Variants in LHFPL3 observed in about 807,000 individuals in gnomAD.
The protein encoded by LHFPL3 is LHFPL tetraspan subfamily member 3 protein.
A neutral mutation model predicts 19.3 loss-of-function variants in LHFPL3; 5 were observed. The ratio of observed to expected loss-of-function variants is 0.26; its 90% CI spans 0.14 to 0.54. The LOEUF is 0.54. Among genes scored for constraint, LHFPL3 ranks in the 20% least tolerant of loss-of-function variants. The probability of loss-of-function intolerance (pLI) is 0.94; values close to 1 mark genes in which losing one functional copy is unlikely to be tolerated. For synonymous variants in LHFPL3, 133 were observed against 126.2 expected (o/e 1.05, Z -0.36); for missense variants, 249 against 307.4 (o/e 0.81, Z 1.42).
intron 1 of LHFPL3, among the ~76,000 whole-genome samples, chr7:104,472,971 C>T (rs1254018960): frequency 6.6e-6 from 1 of 152,174 alleles, no homozygotes; most frequent in East Asian, 1.9e-4. Context: ...ACTGGACCCT[C>T]TGGGAGACCA....
intron 2 of LHFPL3, among the ~76,000 whole-genome samples, chr7:104,874,294 T>C (rs902263603): frequency 6.6e-5 from 10 of 152,186 alleles, no homozygotes; most frequent in Non-Finnish European, 1.5e-4. Context: ...TCTAATTTAT[T>C]TGCTTTAATT....
rs1562895153 is a variant in LHFPL3, at chr7:104,430,406, A to ATATGTATATATATATATATG, written c.445+101185_445+101186insGTATATATATATATATGTAT. Among the ~76,000 whole-genome samples the ATATGTATATATATATATATG allele has an allele frequency of 1.4e-3, 45 of 31,350 alleles. 1 individual carries two copies. Among genetic ancestry groups the ATATGTATATATATATATATG allele is most frequent in the Non-Finnish European group, 1.9e-3 (37 of 19,322 alleles). 20.6% of individuals were successfully genotyped at this position (31,350 alleles called of 152,430 possible). ...TACATATATATATATATATATATAC[A>ATATGTATATATATATATATG]TATATATATATACATATATATATAT... On this transcript the variant is annotated intron_variant, in intron 1 of 2. Coordinates refer to ENST00000424859, the MANE Select transcript of LHFPL3 (RefSeq NM_199000.3).
intron 2 of LHFPL3, among the ~76,000 whole-genome samples, chr7:104,776,693 G>A (rs1385882593): frequency 1.3e-5 from 2 of 152,182 alleles, no homozygotes; most frequent in Non-Finnish European, 2.9e-5. Flanking sequence ...AATGCCCAAA[G>A]TATTCATACT....
At chr7:104,596,269 C>T (rs900218644) in intron 1 of LHFPL3, among the ~76,000 whole-genome samples, 7 of 152,198 alleles carry the variant, frequency 4.6e-5, no homozygotes, top group African/African-American at 1.4e-4. Context: ...TGCATTTATT[C>T]AAAAGGCAGC....
At chr7:104,609,089 A>G (rs1354659253) in intron 1 of LHFPL3, among the ~76,000 whole-genome samples, 1 of 151,878 alleles carries the variant, frequency 6.6e-6, no homozygotes, top group Non-Finnish European at 1.5e-5. Flanking sequence ...ACATGGTGAA[A>G]CCCTGTATCT....
At chr7:104,609,208 T>G (rs2115739676) in intron 1 of LHFPL3, among the ~76,000 whole-genome samples, 1 of 151,540 alleles carries the variant, frequency 6.6e-6, no homozygotes, top group Middle Eastern at 3.4e-3. Context: ...GAGGTTGTAG[T>G]GAGCTGAGAC....
chr7:104,683,159 T>C (rs2116099422), intron 1 of LHFPL3, among the ~76,000 whole-genome samples: 1 of 152,230 alleles, frequency 6.6e-6, no homozygotes, highest in Non-Finnish European at 1.5e-5. Flanking sequence ...TCAGCTGATT[T>C]TTGTATTTTT....
At chr7:104,639,124 A>G (rs1791784235) in intron 1 of LHFPL3, among the ~76,000 whole-genome samples, 1 of 152,032 alleles carries the variant, frequency 6.6e-6, no homozygotes, top group South Asian at 2.1e-4. Context: ...TTTTTACATC[A>G]ATATTTCAGT....
intron 2 of LHFPL3, among the ~76,000 whole-genome samples, chr7:104,803,266 A>T (rs1444307225): frequency 6.6e-6 from 1 of 152,172 alleles, no homozygotes; most frequent in Non-Finnish European, 1.5e-5. Context: ...CACTATATAC[A>T]TGCCTATGGC....
At chr7:104,672,373 C>T (rs908390058) in intron 1 of LHFPL3, among the ~76,000 whole-genome samples, 1 of 152,148 alleles carries the variant, frequency 6.6e-6, no homozygotes, top group African/African-American at 2.4e-5. Context: ...TTGGGAACTT[C>T]TTGAGGTCAG....
chr7:104,904,442 G>A (rs533410282), intron 2 of LHFPL3, among the ~76,000 whole-genome samples: 3 of 152,292 alleles, frequency 2.0e-5, no homozygotes, highest in East Asian at 3.9e-4. Flanking sequence ...CTTGAGGTCA[G>A]GAGTTCAAGA....
chr7:104,881,133 G>A (rs1792047315), intron 2 of LHFPL3, among the ~76,000 whole-genome samples: 1 of 139,452 alleles, frequency 7.2e-6, no homozygotes, highest in Non-Finnish European at 1.5e-5. Flanking sequence ...TAGCACCACT[G>A]CACTCCAGCC....
chr7:104,337,909 T>C (rs17136834), intron 1 of LHFPL3, among the ~76,000 whole-genome samples: 23,443 of 152,078 alleles, frequency 0.15, 2,082 homozygotes, highest in Middle Eastern at 0.29. Flanking sequence ...TGGTATGTTA[T>C]AAAAACCTTC....
At chr7:104,383,659 CTTG>C (rs1790876661) in intron 1 of LHFPL3, among the ~76,000 whole-genome samples, 1 of 152,046 alleles carries the variant, frequency 6.6e-6, no homozygotes, top group Admixed American at 6.6e-5. Context: ...CAGTAAGGAC[CTTG>C]TTGTAAGTTT....
In LHFPL3 at chr7:104,553,317, C is replaced by CT. The variant is rs542084852; in HGVS notation, c.446-183357dup. Among the ~76,000 whole-genome samples, 392 of 152,292 alleles carry CT rather than the reference C, an allele frequency of 2.6e-3. 2 individuals carry two copies. Among genetic ancestry groups the CT allele is most frequent in the African/African-American group, 8.7e-3 (361 of 41,560 alleles). On this transcript the variant is annotated intron_variant, in intron 1 of 2. Coordinates refer to ENST00000424859, the MANE Select transcript of LHFPL3 (RefSeq NM_199000.3). ...TAGGGCAGAAGGCAGCCCACAGCAA[C>CT]TGTACTGTAAGGCACAAAAATATGC... is the stretch of plus-strand genomic sequence containing the variant.
chr7:104,344,928 G>A (rs180678210), intron 1 of LHFPL3, among the ~76,000 whole-genome samples: 3 of 152,238 alleles, frequency 2.0e-5, no homozygotes, highest in African/African-American at 7.2e-5. Flanking sequence ...ATTCATAAAA[G>A]TTGAGAAGTC....
At chr7:104,573,686 C>G (rs1361279013) in intron 1 of LHFPL3, among the ~76,000 whole-genome samples, 1 of 152,170 alleles carries the variant, frequency 6.6e-6, no homozygotes, top group Non-Finnish European at 1.5e-5. Flanking sequence ...TTGGGAGATG[C>G]CTGTTACTGT....
intron 1 of LHFPL3, among the ~76,000 whole-genome samples, chr7:104,694,515 C>A (rs1370955603): frequency 6.6e-6 from 1 of 152,130 alleles, no homozygotes; most frequent in Non-Finnish European, 1.5e-5. Flanking sequence ...ACCTGAAAAA[C>A]CTTTTTTTTA....
chr7:104,420,398 G>T (rs1791703897), intron 1 of LHFPL3, among the ~76,000 whole-genome samples: 1 of 152,140 alleles, frequency 6.6e-6, no homozygotes, highest in African/African-American at 2.4e-5. Context: ...GAAACCGGTG[G>T]TAACAAAGAG....
Sources: gnomAD v4.1 joint callset for allele counts (sites outside exome capture counted in the v4.1 genomes callset) on GRCh38, gnomAD v4.1.1 for gene constraint, MANE v1.5 for transcripts, NCBI Gene and HGNC (gene_info 2026-07-23, HGNC 2026-07-21) for gene names.